The following USP6 variants were observed in gnomAD, a reference collection of about 807,000 sequenced individuals.
USP6 encodes the protein ubiquitin carboxyl-terminal hydrolase 6.
In USP6, 128 loss-of-function variants were observed where a neutral mutation model predicts 175.7. The observed-to-expected ratio is 0.73, with a 90% CI of 0.63 to 0.84. The LOEUF is 0.84. Among genes scored for constraint, USP6 ranks in the 40% least tolerant of loss-of-function variants. USP6 has a pLI of 0.00. For synonymous variants in USP6, 562 were observed against 630.6 expected, an observed-to-expected ratio of 0.89 and a Z score of 1.63; for missense variants, 1,498 against 1,760.3, an observed-to-expected ratio of 0.85 and a Z score of 2.67.
At chr17:5,157,592 T>C (rs751539447) in intron 31 of USP6, among the ~76,000 whole-genome samples, 2 of 152,088 alleles carry the variant, frequency 1.3e-5, no homozygotes, top group Non-Finnish European at 2.9e-5. Flanking sequence ...ATGAATTGGA[T>C]GTGGAGTATA....
At position 5,133,833 on chromosome 17, in the gene USP6, G is replaced by A. The variant is rs2073160281; in HGVS notation, c.385-54G>A. ...TGTGGGCTGACTGCCATTTGGGGCA[G>A]GGAGTCTTCCATCTGTTCTGAGGCT... On this transcript the variant is annotated intron_variant, in intron 14 of 37. Transcript: ENST00000574788. 2.6e-6 allele frequency: 4 copies of A among 1,554,346 alleles called. No homozygotes were observed. In the African/African-American group the frequency reaches 4.1e-5, roughly 16 times the overall value.
chr17:5,159,696 C>T (rs566623656), intron 31 of USP6, among the ~76,000 whole-genome samples: 5 of 152,256 alleles, frequency 3.3e-5, no homozygotes, highest in African/African-American at 1.2e-4. Context: ...GGTGTGGTGG[C>T]TCAAGCCTGT....
chr17:5,154,260 T>C (rs1442973175), intron 30 of USP6, among the ~76,000 whole-genome samples: 1 of 152,268 alleles, frequency 6.6e-6, no homozygotes, highest in South Asian at 2.1e-4. Context: ...ACTTAGAAAC[T>C]AGCTAACTTA....
At chr17:5,140,308 T>C (rs1284379862) in intron 22 of USP6, among the ~76,000 whole-genome samples, 1 of 152,200 alleles carries the variant, frequency 6.6e-6, no homozygotes, top group Non-Finnish European at 1.5e-5. Flanking sequence ...CTCACACCTG[T>C]AATCCCAGCA....
chr17:5,147,386 G>GT (rs1451338045), intron 29 of USP6, among the ~76,000 whole-genome samples, 192 bp downstream of exon 29: 1 of 152,164 alleles, frequency 6.6e-6, no homozygotes, highest in Non-Finnish European at 1.5e-5. Flanking sequence ...AGTGACTTCA[G>GT]TTAGATAGGT....
At position 5,146,061 on chromosome 17, in the gene USP6, C is replaced by G; in HGVS notation, c.2206C>G (p.Leu736Val). The change falls in exon 28 of 38, where the codon CTA becomes GTA. Residue 736 changes from leucine (L) to valine (V), a missense_variant. Coordinates refer to ENST00000574788, the MANE Select transcript of USP6 (RefSeq NM_001304284.2). ...LDGTTPVRYG[L>V]RLNMDEKYTG... ...TGGTACTACCCCTGTACGGTATGGA[C>G]TAAGACTGAATATGGATGAAAAGTA... is the stretch of plus-strand genomic sequence containing the variant. The G allele has an allele frequency of 6.2e-7, 1 of 1,612,952 alleles. No homozygotes were observed. Among genetic ancestry groups the G allele is most frequent in the Non-Finnish European group, 8.5e-7 (1 of 1,179,354 alleles).
At chr17:5,128,221 C>A (rs551125472) in intron 7 of USP6, among the ~76,000 whole-genome samples, 4 of 152,278 alleles carry the variant, frequency 2.6e-5, no homozygotes, top group African/African-American at 9.6e-5. Context: ...ACAGCTGAGC[C>A]AGGTTTTAGA....
At chr17:5,122,833 T>C (rs1171923979) in intron 4 of USP6, 2 of 152,276 alleles carry the variant, frequency 1.3e-5, no homozygotes, top group Non-Finnish European at 2.9e-5. Flanking sequence ...CACTGAGCTC[T>C]TAGAGGTCTG....
At chr17:5,167,727 T>C (rs1202448778) in intron 33 of USP6, among the ~76,000 whole-genome samples, 1 of 152,150 alleles carries the variant, frequency 6.6e-6, no homozygotes, top group East Asian at 1.9e-4. Flanking sequence ...GGTTTTGAAC[T>C]CCTGGACTCA....
intron 25 of USP6, 63 bp downstream of exon 25, chr17:5,142,565 C>T: frequency 1.3e-6 from 2 of 1,529,754 alleles, no homozygotes; most frequent in Admixed American, 2.0e-5. Flanking sequence ...TCATTTTTCT[C>T]TACTTGTTTT....
intron 30 of USP6, among the ~76,000 whole-genome samples, chr17:5,152,866 C>G (rs1437966223): frequency 6.6e-6 from 1 of 152,050 alleles, no homozygotes; most frequent in Non-Finnish European, 1.5e-5. Flanking sequence ...TGTGGTGCCA[C>G]ACACCTGTAG....
chr17:5,142,318 T>C, intron 24 of USP6, 79 bp from the exon 25 acceptor site: 4 of 1,529,666 alleles, frequency 2.6e-6, no homozygotes, highest in Non-Finnish European at 3.5e-6. Context: ...TATTTTGATG[T>C]GAGATGCTAG....
chr17:5,116,604 C>G lies in USP6; in HGVS notation c.-2064C>G, dbSNP rs191626600. The G allele has an allele frequency of 1.0e-3, 154 of 152,414 alleles. 1 individual carries two copies. Among genetic ancestry groups the G allele is most frequent in the African/African-American group, 3.4e-3 (141 of 41,572 alleles). The allele number at this position is 152,414 out of a possible 1,614,324, so 9.4% of individuals were successfully genotyped here. On this transcript the variant is annotated 5_prime_UTR_variant, in exon 1 of 38. Coordinates refer to ENST00000574788, the MANE Select transcript of USP6 (RefSeq NM_001304284.2). Reference sequence around the variant, plus strand: ...GGCCCGTGGAGGCACTAGACCCTCACCAGGGGTCTGTCAGGAAAGGCGGGC... The same window carrying G: ...GGCCCGTGGAGGCACTAGACCCTCAGCAGGGGTCTGTCAGGAAAGGCGGGC...
rs147289597 is a variant in USP6 at position 5,120,716 on chromosome 17, T to G, written c.-1747T>G. ...GAGTGAACCTGAGCTGGATCCTGAA[T>G]GAGATGCATGACCAGGACAAGAAAT... is the stretch of plus-strand genomic sequence containing the variant. On this transcript the variant is annotated 5_prime_UTR_variant, in exon 3 of 38. An upstream start codon of the reference 5' UTR is lost. Coordinates refer to ENST00000574788, the MANE Select transcript of USP6 (RefSeq NM_001304284.2). The G allele has an allele frequency of 1.2e-4, 50 of 428,614 alleles. No homozygotes were observed. The highest frequency in any genetic ancestry group is 8.9e-5 in the Non-Finnish European group (19 of 214,356). The allele number at this position is 428,614 out of a possible 1,614,324, so 26.6% of individuals were successfully genotyped here. A position where few individuals can be genotyped will look rare whatever the true frequency, so the allele number is the denominator to read the frequency against.
At chr17:5,153,053 A>G (rs1467637420) in intron 30 of USP6, among the ~76,000 whole-genome samples, 1 of 152,228 alleles carries the variant, frequency 6.6e-6, no homozygotes, top group Non-Finnish European at 1.5e-5. Flanking sequence ...AAAAACTTTT[A>G]AAACAGGGAA....
At chr17:5,120,552 G>A (rs1290687356) in intron 2 of USP6, 75 bp from the exon 3 acceptor site, 2 of 349,134 alleles carry the variant, frequency 5.7e-6, no homozygotes, top group East Asian at 7.7e-5. Context: ...CTGTCTCTCC[G>A]AGGGAAAGAA....
At chr17:5,152,552 C>G (rs574704396) in intron 30 of USP6, among the ~76,000 whole-genome samples, 1 of 152,146 alleles carries the variant, frequency 6.6e-6, no homozygotes, top group Non-Finnish European at 1.5e-5. Flanking sequence ...AAAATGAAAA[C>G]ATTACATGTC....
intron 31 of USP6, among the ~76,000 whole-genome samples, chr17:5,155,966 G>A (rs2073875240): frequency 6.6e-6 from 1 of 152,154 alleles, no homozygotes; most frequent in African/African-American, 2.4e-5. Flanking sequence ...GAAGTAGAGA[G>A]TATGAATTCA....
At chr17:5,154,029 C>T (rs1352933385) in intron 30 of USP6, among the ~76,000 whole-genome samples, 4 of 152,154 alleles carry the variant, frequency 2.6e-5, no homozygotes, top group Non-Finnish European at 4.4e-5. Flanking sequence ...AGTATGGGCC[C>T]TAGGGCACTA....
Sources: gnomAD v4.1 joint callset for allele counts (sites outside exome capture counted in the v4.1 genomes callset) on GRCh38, gnomAD v4.1.1 for gene constraint, MANE v1.5 for transcripts, NCBI Gene and HGNC (gene_info 2026-07-23, HGNC 2026-07-21) for gene names.